FAM81B: variants seen among roughly 807,000 people sequenced by gnomAD.
FAM81B encodes protein FAM81B.
FAM81B carries 60 observed loss-of-function variants against 58.7 expected under a neutral mutation model. The observed-to-expected ratio is 1.02, with a 90% CI of 0.83 to 1.27. FAM81B has a LOEUF of 1.27. Ranked by LOEUF, FAM81B falls within the 50% of genes most tolerant of loss-of-function variation. The probability of loss-of-function intolerance (pLI) is 0.00; values close to 1 mark genes in which losing one functional copy is unlikely to be tolerated. For synonymous variants in FAM81B, 189 were observed against 179.6 expected (o/e 1.05, Z -0.42); for missense variants, 491 against 522.0 (o/e 0.94, Z 0.58).
chr5:95,399,761 G>C (rs1478654157), intron 3 of FAM81B, among the ~76,000 whole-genome samples: 1 of 152,176 alleles, frequency 6.6e-6, no homozygotes, highest in South Asian at 2.1e-4. Context: ...TTAGGACTCC[G>C]AGGAGAGATG....
At position 95,436,390 on chromosome 5, in the gene FAM81B, A is replaced by C. The variant is rs79626176; in HGVS notation, c.787-410A>C. The stretch of plus-strand genomic sequence containing the variant: ...ATTTGTTGAGCATTTACCATTGATC[A>C]CCTAATGTGCACTGAGGATATGGTG... On this transcript the variant is annotated intron_variant, in intron 6 of 9. Transcript: ENST00000283357. 1.9e-3 allele frequency among the ~76,000 whole-genome samples: 282 copies of C among 152,312 alleles called. 1 individual carries two copies. The highest frequency in any genetic ancestry group is 6.6e-3 in the African/African-American group (274 of 41,564).
intron 6 of FAM81B, among the ~76,000 whole-genome samples, chr5:95,435,172 G>C (rs1745051881): frequency 6.6e-6 from 1 of 152,198 alleles, no homozygotes; most frequent in South Asian, 2.1e-4. Context: ...TGGATTTTGA[G>C]CACAGTAGTC....
chr5:95,428,496 C>A, intron 5 of FAM81B, 107 bp from the exon 6 acceptor site: 2 of 1,364,194 alleles, frequency 1.5e-6, no homozygotes, highest in Non-Finnish European at 2.0e-6. Context: ...ACTCATTCTT[C>A]AAATGACTTT....
At chr5:95,429,005 G>A (rs1744749666) in intron 6 of FAM81B, among the ~76,000 whole-genome samples, 1 of 152,062 alleles carries the variant, frequency 6.6e-6, no homozygotes, top group South Asian at 2.1e-4. Context: ...CTCTCTGGAA[G>A]TAGTAAAATT....
At chr5:95,392,536 G>C (rs1582774409) in intron 1 of FAM81B, among the ~76,000 whole-genome samples, 1 of 152,028 alleles carries the variant, frequency 6.6e-6, no homozygotes, top group South Asian at 2.1e-4. Flanking sequence ...TTTTAGAGCT[G>C]TCTGATCCTA....
rs768265880 is a variant in FAM81B at position 95,414,166 on chromosome 5, C to CA, written c.519dup (p.Leu174ThrfsTer6). On this transcript the variant is annotated frameshift_variant, in exon 4 of 10. Transcript: ENST00000283357. LOFTEE classifies it high-confidence loss of function. ...ACATCCAGACCATCACCAGCATCGT[C>CA]AAAAAACTCAGCCAAAATATTGAGG... 2.1e-5 allele frequency: 34 copies of CA among 1,609,914 alleles called. No individual in the cohort carries two copies. In the South Asian group the frequency reaches 3.7e-4, roughly 17 times the overall value.
Position 95,401,027 on chromosome 5 carries a change from T to A in FAM81B, c.293+4852T>A, listed in dbSNP as rs568870745. On this transcript the variant is annotated intron_variant, in intron 3 of 9. Transcript: ENST00000283357. ...CATCAAAACAATTTGCTACTGCAGT[T>A]TGCATATGCTTCACCTGTAAGTATG... Among the ~76,000 whole-genome samples the A allele has an allele frequency of 4.1e-4, 62 of 151,850 alleles. 1 individual carries two copies. The highest frequency in any genetic ancestry group is 1.6e-3 in the Admixed American group (25 of 15,254).
chr5:95,443,074 A>AT (rs1171339464), intron 7 of FAM81B, among the ~76,000 whole-genome samples: 10 of 152,200 alleles, frequency 6.6e-5, no homozygotes, highest in African/African-American at 2.2e-4. Flanking sequence ...CATTCAACAG[A>AT]TTTTTTTTAA....
rs184677431 is a variant in FAM81B at position 95,440,856 on chromosome 5, A to G, written c.893+3950A>G. On this transcript the variant is annotated intron_variant, in intron 7 of 9. Transcript: ENST00000283357. Reference sequence around the variant, plus strand: ...TAAAGTTTAGGAAAGTAGGGGAAAAAAAAGAGCAGAGCTGCTGCAGGCCAG... The same window carrying G: ...TAAAGTTTAGGAAAGTAGGGGAAAAGAAAGAGCAGAGCTGCTGCAGGCCAG... Among the ~76,000 whole-genome samples the G allele has an allele frequency of 4.6e-5, 7 of 152,304 alleles. No homozygotes were observed. The East Asian group carries it at 1.4e-3, about 29-fold the overall frequency.
At chr5:95,450,118 T>A in intron 9 of FAM81B, 31 bp from the exon 10 acceptor site, 1 of 1,583,758 alleles carries the variant, frequency 6.3e-7, no homozygotes, top group Non-Finnish European at 8.5e-7. Context: ...ATGCATTGTT[T>A]AAGTGTACCT....
chr5:95,426,997 C>A (rs1167863314), intron 5 of FAM81B, among the ~76,000 whole-genome samples: 1 of 151,908 alleles, frequency 6.6e-6, no homozygotes, highest in South Asian at 2.1e-4. Flanking sequence ...TGCAGTGAGC[C>A]GAGATTGTGC....
At chr5:95,437,472 G>A (rs1468190612) in intron 7 of FAM81B, among the ~76,000 whole-genome samples, 1 of 152,180 alleles carries the variant, frequency 6.6e-6, no homozygotes, top group Non-Finnish European at 1.5e-5. Context: ...AGCCTCCTGA[G>A]TAGCTGGGAT....
At chr5:95,431,842 A>G (rs1223014306) in intron 6 of FAM81B, among the ~76,000 whole-genome samples, 1 of 152,022 alleles carries the variant, frequency 6.6e-6, no homozygotes, top group Admixed American at 6.6e-5. Context: ...GTAAGTTTTT[A>G]GTTTCCCTTC....
At chr5:95,448,564 T>C in intron 9 of FAM81B, 100 bp downstream of exon 9, 3 of 1,091,040 alleles carry the variant, frequency 2.7e-6, no homozygotes, top group Non-Finnish European at 3.9e-6. Context: ...AATCTTGTCA[T>C]TAGTGACATC....
At chr5:95,434,570 C>G (rs1364486466) in intron 6 of FAM81B, among the ~76,000 whole-genome samples, 3 of 152,336 alleles carry the variant, frequency 2.0e-5, no homozygotes, top group East Asian at 1.9e-4. Context: ...CCCTTTTGCT[C>G]TACAGCATCG....
chr5:95,433,105 C>T (rs1311429321), intron 6 of FAM81B, among the ~76,000 whole-genome samples: 3 of 152,056 alleles, frequency 2.0e-5, no homozygotes, highest in African/African-American at 4.8e-5. Context: ...GTGGTATTTT[C>T]CCTTAAATAG....
intron 6 of FAM81B, among the ~76,000 whole-genome samples, chr5:95,433,638 T>C (rs1744995051): frequency 1.3e-5 from 2 of 152,188 alleles, no homozygotes; most frequent in Admixed American, 1.3e-4. Context: ...TTGAGGATTG[T>C]TTTTGGTGGC....
intron 5 of FAM81B, among the ~76,000 whole-genome samples, chr5:95,427,573 A>AT (rs1762881452): frequency 6.6e-6 from 1 of 152,106 alleles, no homozygotes; most frequent in African/African-American, 2.4e-5. Context: ...AGGAAAAAAG[A>AT]TTCATTCTGG....
At chr5:95,402,271 GGAAAA>G (rs1762134163) in intron 3 of FAM81B, among the ~76,000 whole-genome samples, 3 of 152,060 alleles carry the variant, frequency 2.0e-5, no homozygotes. Flanking sequence ...AAGGTCAATT[GGAAAA>G]CAATATTCTC....
Sources: allele counts gnomAD v4.1 joint callset (sites outside exome capture counted in the v4.1 genomes callset), GRCh38; gene constraint gnomAD v4.1.1; transcripts MANE v1.5; gene names NCBI Gene and HGNC (gene_info 2026-07-23, HGNC 2026-07-21).